Variants in PARD3B observed in about 807,000 individuals in gnomAD.
PARD3B encodes the protein par-3 family cell polarity regulator beta.
Under a neutral mutation model 130.2 loss-of-function variants are expected in PARD3B, and 103 were observed. That is an observed-to-expected ratio of 0.79 (90% confidence interval 0.67 to 0.93). The LOEUF (loss-of-function observed/expected upper bound fraction) is 0.93, where lower values mean the gene tolerates loss of function less well. Among genes scored for constraint, PARD3B ranks in the 40% least tolerant of loss-of-function variants. The pLI is 0.00. For missense variants in PARD3B, 1,609 were observed against 1,499.2 expected, an observed-to-expected ratio of 1.07 and a Z score of -1.21; for synonymous variants, 583 against 553.2, an observed-to-expected ratio of 1.05 and a Z score of -0.76.
rs73058140 is a variant in PARD3B at position 205,486,504 on chromosome 2, G to T, written c.3045-13392G>T. Among the ~76,000 whole-genome samples, 747 of 152,246 alleles carry T rather than the reference G, an allele frequency of 4.9e-3. 6 individuals are homozygous for T. The highest frequency in any genetic ancestry group is 0.017 in the African/African-American group (715 of 41,540). ...GCTGGGTAATGTATAAACAGAAGAGGTCGAGTTGGCTCACGGTTCCACGGG... is the reference window on the plus strand; with the variant it reads ...GCTGGGTAATGTATAAACAGAAGAGTTCGAGTTGGCTCACGGTTCCACGGG... On this transcript the variant is annotated intron_variant, in intron 20 of 22. Coordinates refer to ENST00000406610, the MANE Select transcript of PARD3B (RefSeq NM_001302769.2).
intron 2 of PARD3B, among the ~76,000 whole-genome samples, chr2:204,710,697 TC>T (rs1445836769): frequency 6.6e-6 from 1 of 152,198 alleles, no homozygotes; most frequent in Admixed American, 6.5e-5. Context: ...GAAGAGTGAT[TC>T]CATTAGAAGA....
intron 1 of PARD3B, among the ~76,000 whole-genome samples, chr2:204,648,572 ATATATTATATAT>A (rs1416805096): frequency 7.9e-6 from 1 of 126,116 alleles, no homozygotes; most frequent in Non-Finnish European, 1.6e-5. Context: ...AAATATAAAT[ATATATTATATAT>A]TATATTATAT....
intron 20 of PARD3B, among the ~76,000 whole-genome samples, chr2:205,479,742 T>C (rs772531275): frequency 2.0e-4 from 30 of 152,192 alleles, no homozygotes; most frequent in Non-Finnish European, 4.3e-4. Flanking sequence ...ACTTCCTGGC[T>C]TAAAATCTCC....
chr2:204,866,572 A>G (rs906140856), intron 2 of PARD3B, among the ~76,000 whole-genome samples: 1 of 152,146 alleles, frequency 6.6e-6, no homozygotes, highest in African/African-American at 2.4e-5. Context: ...GAGTTGGAAC[A>G]ACAACAAAAA....
At chr2:205,335,631 A>G (rs557101200) in intron 18 of PARD3B, among the ~76,000 whole-genome samples, 18 of 119,130 alleles carry the variant, frequency 1.5e-4, no homozygotes, top group Non-Finnish European at 3.1e-4. Context: ...AAAGACATAC[A>G]CAAGACTGGG....
intron 3 of PARD3B, among the ~76,000 whole-genome samples, chr2:205,044,255 G>A (rs1292110380): frequency 1.3e-4 from 19 of 145,092 alleles, no homozygotes; most frequent in African/African-American, 1.8e-4. Flanking sequence ...GAATAATGCC[G>A]CAATAAACAT....
rs140624484 is a variant in PARD3B at position 205,100,205 on chromosome 2, AACAAAGTT to A, written c.505-4220_505-4213del. On this transcript the variant is annotated intron_variant, in intron 4 of 22. Transcript: ENST00000406610. ...TTTTTCTACCTTGTTAGGGATCAAC[AACAAAGTT>A]CCATTTAGAGTATGGTGCAGAGGCA... is the stretch of plus-strand genomic sequence containing the variant. Among the ~76,000 whole-genome samples, 229 of 152,282 alleles carry A rather than the reference AACAAAGTT, an allele frequency of 1.5e-3. 1 individual carries two copies. The highest frequency in any genetic ancestry group is 5.2e-3 in the African/African-American group (217 of 41,582).
chr2:205,574,685 C>T (rs2053682769), intron 22 of PARD3B, among the ~76,000 whole-genome samples: 1 of 151,950 alleles, frequency 6.6e-6, no homozygotes, highest in South Asian at 2.1e-4. Context: ...GAACATTTAG[C>T]AGGAGACAAA....
At chr2:205,137,645 G>A (rs1214947369) in intron 10 of PARD3B, among the ~76,000 whole-genome samples, 1 of 152,104 alleles carries the variant, frequency 6.6e-6, no homozygotes, top group Admixed American at 6.5e-5. Flanking sequence ...TGCCAGTTTC[G>A]TTTAGACTTA....
intron 16 of PARD3B, among the ~76,000 whole-genome samples, chr2:205,251,801 T>C (rs2039860599): frequency 6.6e-6 from 1 of 152,186 alleles, no homozygotes; most frequent in African/African-American, 2.4e-5. Flanking sequence ...TTTTCTTTCC[T>C]CATCGACTCA....
intron 2 of PARD3B, among the ~76,000 whole-genome samples, chr2:204,946,204 G>A (rs1013285496): frequency 6.6e-6 from 1 of 152,148 alleles, no homozygotes; most frequent in Non-Finnish European, 1.5e-5. Context: ...TTGAAATGAG[G>A]AGTTGTATGC....
In PARD3B at chr2:205,142,935, G is replaced by A. The variant is rs764098901; in HGVS notation, c.1435-15787G>A. Among the ~76,000 whole-genome samples, 5 of 149,214 alleles carry A rather than the reference G, an allele frequency of 3.4e-5. No homozygotes were observed. Among genetic ancestry groups the A allele is most frequent in the Non-Finnish European group, 7.5e-5 (5 of 66,470 alleles). On this transcript the variant is annotated intron_variant, in intron 10 of 22. Transcript: ENST00000406610. The surrounding 1 kb of genome is among the most constrained non-coding windows in gnomAD (Gnocchi z 4.3). ...AAGATAGGCAAGCTGGCAAATAATT[G>A]TAAGAAAGTGATGCGAATCATCAGA... is the stretch of plus-strand genomic sequence containing the variant.
intron 2 of PARD3B, among the ~76,000 whole-genome samples, chr2:204,935,022 C>G (rs1026520333): frequency 4.6e-5 from 7 of 152,052 alleles, no homozygotes; most frequent in African/African-American, 1.7e-4. Context: ...TTTAGAACAC[C>G]TTATTTGTTA....
chr2:205,185,645 AT>A, intron 13 of PARD3B, 118 bp from the exon 14 acceptor site: 1 of 719,038 alleles, frequency 1.4e-6, no homozygotes. Flanking sequence ...GAACTTATTT[AT>A]TTCAGGGCTG....
At chr2:204,629,691 G>T (rs2034613388) in intron 1 of PARD3B, among the ~76,000 whole-genome samples, 1 of 152,066 alleles carries the variant, frequency 6.6e-6, no homozygotes, top group African/African-American at 2.4e-5. Context: ...TTTACCTGAA[G>T]TATCTTATTA....
intron 15 of PARD3B, among the ~76,000 whole-genome samples, chr2:205,196,139 A>G (rs757972186): frequency 1.3e-5 from 2 of 152,210 alleles, no homozygotes; most frequent in Admixed American, 6.5e-5. Context: ...TTCATCAGAC[A>G]CAAATATAGT....
At chr2:204,546,523 C>T (rs1262561594) in intron 1 of PARD3B, among the ~76,000 whole-genome samples, 3 of 152,152 alleles carry the variant, frequency 2.0e-5, no homozygotes, top group Admixed American at 1.3e-4. Flanking sequence ...ATTTTTGACC[C>T]ATTAAGGCCC....
At chr2:205,447,380 TTTC>T (rs2047941872) in intron 20 of PARD3B, among the ~76,000 whole-genome samples, 1 of 152,192 alleles carries the variant, frequency 6.6e-6, no homozygotes, top group Middle Eastern at 3.2e-3. Flanking sequence ...TAACAGGATC[TTTC>T]TTTTTTTTCT....
At chr2:205,411,073 A>G (rs1249003077) in intron 19 of PARD3B, among the ~76,000 whole-genome samples, 1 of 152,088 alleles carries the variant, frequency 6.6e-6, no homozygotes, top group Non-Finnish European at 1.5e-5. Flanking sequence ...ATGTCTGAGA[A>G]CATTTTTAGT....
Sources: gnomAD v4.1 joint callset for allele counts (sites outside exome capture counted in the v4.1 genomes callset) on GRCh38, gnomAD v4.1.1 for gene constraint, Gnocchi (gnomAD v3.1) non-coding constraint, MANE v1.5 for transcripts, NCBI Gene and HGNC (gene_info 2026-07-23, HGNC 2026-07-21) for gene names.